Variants in ARHGAP15 observed in about 807,000 individuals in gnomAD.
ARHGAP15 encodes Rho GTPase activating protein 15.
Under a neutral mutation model 63.7 loss-of-function variants are expected in ARHGAP15, and 51 were observed. The ratio of observed to expected loss-of-function variants is 0.80; its 90% confidence interval spans 0.64 to 1.01. The LOEUF (loss-of-function observed/expected upper bound fraction) is 1.01, where lower values mean the gene tolerates loss of function less well. Ranked by LOEUF, ARHGAP15 falls within the 50% of genes least tolerant of loss-of-function variation. The probability of loss-of-function intolerance (pLI) is 0.00; values close to 1 mark genes in which losing one functional copy is unlikely to be tolerated. For missense variants in ARHGAP15, 560 were observed against 564.6 expected (o/e 0.99, Z 0.08); for synonymous variants, 191 against 193.8 (o/e 0.99, Z 0.12).
intron 10 of ARHGAP15, among the ~76,000 whole-genome samples, chr2:143,527,751 C>T (rs1437451997): frequency 6.6e-6 from 1 of 152,028 alleles, no homozygotes; most frequent in East Asian, 1.9e-4. Flanking sequence ...TGGTACCTAA[C>T]ACATAATGAA....
At chr2:143,550,598 C>A (rs1046041694) in intron 10 of ARHGAP15, among the ~76,000 whole-genome samples, 1 of 152,140 alleles carries the variant, frequency 6.6e-6, no homozygotes, top group African/African-American at 2.4e-5. Context: ...TCATATGTGG[C>A]CAGTGAATGC....
At chr2:143,729,818 C>T (rs1469661956) in intron 13 of ARHGAP15, among the ~76,000 whole-genome samples, 1 of 152,182 alleles carries the variant, frequency 6.6e-6, no homozygotes, top group Non-Finnish European at 1.5e-5. Flanking sequence ...TGACTAAATG[C>T]ATTTTTAGAA....
At position 143,570,965 on chromosome 2, in the gene ARHGAP15, C is replaced by T. The variant is rs141234028; in HGVS notation, c.1003+14480C>T. On this transcript the variant is annotated intron_variant, in intron 11 of 13. Transcript: ENST00000295095. ...ATGGCTTGTTAGGAACCTGGCAGCA[C>T]AGTAGGAGGTGAGTGGCAGGTGAGA... Among the ~76,000 whole-genome samples, 1,153 of 152,238 alleles carry T rather than the reference C, an allele frequency of 7.6e-3. 10 individuals are homozygous for T. The highest frequency in any genetic ancestry group is 0.011 in the Non-Finnish European group (739 of 68,010).
chr2:143,404,309 T>C (rs971740682), intron 6 of ARHGAP15, among the ~76,000 whole-genome samples: 10 of 151,858 alleles, frequency 6.6e-5, no homozygotes, highest in Non-Finnish European at 1.0e-4. Flanking sequence ...GATAGAATTA[T>C]GAAAGTCCGG....
At chr2:143,431,211 T>C (rs1689375844) in intron 6 of ARHGAP15, among the ~76,000 whole-genome samples, 1 of 152,020 alleles carries the variant, frequency 6.6e-6, no homozygotes, top group South Asian at 2.1e-4. Context: ...CACGGCCCTT[T>C]TCCTGTTCAA....
chr2:143,475,613 A>G (rs1329613583), intron 8 of ARHGAP15, among the ~76,000 whole-genome samples: 2 of 152,160 alleles, frequency 1.3e-5, no homozygotes, highest in African/African-American at 2.4e-5. Context: ...GGGTGCCAAG[A>G]GCATGGGCCC....
intron 2 of ARHGAP15, among the ~76,000 whole-genome samples, chr2:143,171,532 G>A (rs929582099): frequency 1.3e-5 from 2 of 151,988 alleles, no homozygotes; most frequent in Non-Finnish European, 2.9e-5. Context: ...GGCAGGCTGG[G>A]GATTTAATTT....
rs559147087 is a variant in ARHGAP15, at chr2:143,630,970, T to C, written c.1138+6703T>C. On this transcript the variant is annotated intron_variant, in intron 12 of 13. Transcript: ENST00000295095. The stretch of plus-strand genomic sequence containing the variant: ...TTCCTCTTAATCCTTGACAATTCTC[T>C]TTCCTTCCCCTTTCCACCTGCTCTG... Among the ~76,000 whole-genome samples the C allele has an allele frequency of 7.2e-5, 11 of 152,156 alleles. No homozygotes were observed. In the East Asian group the frequency reaches 1.9e-3, roughly 27 times the overall value.
At chr2:143,377,888 ATC>A (rs1686886752) in intron 6 of ARHGAP15, among the ~76,000 whole-genome samples, 1 of 152,044 alleles carries the variant, frequency 6.6e-6, no homozygotes. Context: ...TGTACTTTAC[ATC>A]TCTCTCTGAT....
chr2:143,426,638 T>A (rs896593722), intron 6 of ARHGAP15, among the ~76,000 whole-genome samples: 1 of 152,102 alleles, frequency 6.6e-6, no homozygotes, highest in Admixed American at 6.6e-5. Flanking sequence ...TCTGCAGATT[T>A]CCTCACTCAG....
intron 11 of ARHGAP15, among the ~76,000 whole-genome samples, chr2:143,621,197 C>A (rs1231345238): frequency 6.6e-6 from 1 of 152,148 alleles, no homozygotes; most frequent in Non-Finnish European, 1.5e-5. Context: ...TACAAGACAG[C>A]CCCCACCACA....
At chr2:143,405,758 TAATGCTTC>T (rs1688173960) in intron 6 of ARHGAP15, among the ~76,000 whole-genome samples, 1 of 151,888 alleles carries the variant, frequency 6.6e-6, no homozygotes, top group Non-Finnish European at 1.5e-5. Flanking sequence ...AGTGCTTGGG[TAATGCTTC>T]ATTTCTACCA....
chr2:143,518,555 C>T (rs1164139316), intron 9 of ARHGAP15, among the ~76,000 whole-genome samples: 1 of 152,234 alleles, frequency 6.6e-6, no homozygotes. Context: ...ACCTGTCTAA[C>T]TTTGCAGAAC....
chr2:143,408,598 T>C (rs1688314674), intron 6 of ARHGAP15, among the ~76,000 whole-genome samples: 1 of 151,912 alleles, frequency 6.6e-6, no homozygotes, highest in Non-Finnish European at 1.5e-5. Context: ...AAAGGTGATT[T>C]CAAACAGATT....
At chr2:143,704,162 T>C (rs1188027496) in intron 13 of ARHGAP15, among the ~76,000 whole-genome samples, 1 of 152,148 alleles carries the variant, frequency 6.6e-6, no homozygotes, top group East Asian at 1.9e-4. Context: ...TAGCATCAGA[T>C]CACATAGGTT....
intron 6 of ARHGAP15, among the ~76,000 whole-genome samples, chr2:143,378,580 G>A (rs1686915852): frequency 6.6e-6 from 1 of 151,998 alleles, no homozygotes; most frequent in Admixed American, 6.6e-5. Context: ...AAAAATCAAT[G>A]GGAACTTTGA....
chr2:143,721,264 G>T (rs1472695306), intron 13 of ARHGAP15, among the ~76,000 whole-genome samples: 1 of 152,124 alleles, frequency 6.6e-6, no homozygotes, highest in Non-Finnish European at 1.5e-5. Flanking sequence ...CTAAAAGAAA[G>T]AGGACTTTAA....
At chr2:143,301,502 T>G (rs1312482772) in intron 6 of ARHGAP15, among the ~76,000 whole-genome samples, 2 of 152,014 alleles carry the variant, frequency 1.3e-5, no homozygotes, top group African/African-American at 4.8e-5. Context: ...TCACTATGAT[T>G]ACTTGATAGA....
At chr2:143,257,501 G>A (rs753925666) in intron 6 of ARHGAP15, among the ~76,000 whole-genome samples, 63 of 152,126 alleles carry the variant, frequency 4.1e-4, no homozygotes, top group Admixed American at 2.2e-3. Flanking sequence ...GGCTATGTGA[G>A]CTCAAAGATA....
Sources: gnomAD v4.1 joint callset for allele counts (sites outside exome capture counted in the v4.1 genomes callset) on GRCh38, gnomAD v4.1.1 for gene constraint, MANE v1.5 for transcripts, NCBI Gene and HGNC (gene_info 2026-07-23, HGNC 2026-07-21) for gene names.